Variants in IGLL5 observed in about 807,000 individuals in gnomAD.
IGLL5 encodes the protein immunoglobulin lambda like polypeptide 5.
A neutral mutation model predicts 20.9 loss-of-function variants in IGLL5; 30 were observed. That is an observed-to-expected ratio of 1.44 (90% CI 1.07 to 1.95). IGLL5 has a LOEUF of 1.95. Among genes scored for constraint, IGLL5 ranks in the 30% most tolerant of loss-of-function variants. The pLI is 0.00. For synonymous variants in IGLL5, 203 were observed against 117.3 expected (o/e 1.73, Z -4.72); for missense variants, 475 against 270.7 (o/e 1.75, Z -5.30).
At chr22:22,888,592 G>C (rs1387255984) in intron 1 of IGLL5, among the ~76,000 whole-genome samples, 2 of 151,316 alleles carry the variant, frequency 1.3e-5, no homozygotes, top group Admixed American at 6.6e-5. Flanking sequence ...ACAGGGGGTG[G>C]TGGCCACTGT....
chr22:22,894,771 C>A, intron 2 of IGLL5, among the ~76,000 whole-genome samples: 1 of 151,274 alleles, frequency 6.6e-6, no homozygotes, highest in South Asian at 2.1e-4. Flanking sequence ...AGACAGGAAA[C>A]ATCTCAGAGC....
At position 22,888,269 on chromosome 22, in the gene IGLL5, A is replaced by C. The variant is rs532718129; in HGVS notation, c.206+10A>C. The stretch of plus-strand genomic sequence containing the variant: ...GGAGCCTGTGGGGCAGGTAAGGGGC[A>C]AGAGATTCCAGGGGATGTGGGGGTC... On this transcript the variant is annotated intron_variant, in intron 1 of 2. Coordinates refer to ENST00000526893, the MANE Select transcript of IGLL5 (RefSeq NM_001178126.2). 1.9e-6 allele frequency: 3 copies of C among 1,546,624 alleles called. No individual in the cohort carries two copies. The highest frequency in any genetic ancestry group is 2.0e-5 in the Admixed American group (1 of 50,718).
intron 1 of IGLL5, among the ~76,000 whole-genome samples, chr22:22,888,552 G>T (rs188441179): frequency 2.6e-5 from 4 of 151,372 alleles, no homozygotes; most frequent in East Asian, 4.1e-4. Flanking sequence ...CTCTGGGTAG[G>T]GAAGGAACAG....
chr22:22,892,348 C>T (rs5996412), intron 1 of IGLL5, among the ~76,000 whole-genome samples: 3,361 of 151,226 alleles, frequency 0.022, 135 homozygotes, highest in African/African-American at 0.073. Context: ...CAATGGGTAT[C>T]TTCCAATGTG....
chr22:22,894,160 C>A (rs550825444), intron 2 of IGLL5, among the ~76,000 whole-genome samples: 1 of 151,514 alleles, frequency 6.6e-6, no homozygotes, highest in African/African-American at 2.4e-5. Flanking sequence ...CCAGTGACTC[C>A]TGGGGTCAAG....
In IGLL5 at chr22:22,895,503, G is replaced by T; in HGVS notation, c.454G>T (p.Ala152Ser). 6.2e-7 allele frequency: 1 copy of T among 1,612,706 alleles called. No individual in the cohort carries two copies. Among genetic ancestry groups the T allele is most frequent in the Non-Finnish European group, 8.5e-7 (1 of 1,179,608 alleles). The change falls in exon 3 of 3, where the codon GCA becomes TCA. Residue 152 changes from alanine to serine, a missense_variant. Coordinates refer to ENST00000526893, the MANE Select transcript of IGLL5 (RefSeq NM_001178126.2). ...YPGAVTVAWK[A>S]DGSPVKAGVE... ...GGGAGCTGTGACAGTGGCCTGGAAG[G>T]CAGATGGCAGCCCCGTCAAGGCGGG... is the stretch of plus-strand genomic sequence containing the variant.
intron 2 of IGLL5, 70 bp from the exon 3 acceptor site, chr22:22,895,305 C>A: frequency 7.0e-7 from 1 of 1,422,200 alleles, no homozygotes; most frequent in Non-Finnish European, 9.8e-7. Context: ...AGACTTTAGA[C>A]AGAGAGAGGG....
chr22:22,894,291 A>T (rs1601625342), intron 2 of IGLL5, among the ~76,000 whole-genome samples: 4 of 151,280 alleles, frequency 2.6e-5, no homozygotes, highest in East Asian at 4.1e-4. Flanking sequence ...GGAGGGCCAC[A>T]CGGCCTGGTG....
chr22:22,893,624 G>T, intron 1 of IGLL5, 76 bp from the exon 2 acceptor site: 1 of 850,454 alleles, frequency 1.2e-6, no homozygotes, highest in South Asian at 1.6e-5. Context: ...CACCTCTAGG[G>T]GGCTGGCCAC....
chr22:22,888,697 A>G (rs549492276), intron 1 of IGLL5, among the ~76,000 whole-genome samples: 5 of 151,300 alleles, frequency 3.3e-5, no homozygotes, highest in East Asian at 2.0e-4. Flanking sequence ...TGGAGAAGGC[A>G]GCAAGGGCTT....
chr22:22,894,247 G>C (rs1601624959), intron 2 of IGLL5, among the ~76,000 whole-genome samples: 2 of 150,022 alleles, frequency 1.3e-5, no homozygotes, highest in East Asian at 4.2e-4. Context: ...ACAGCTGAGG[G>C]TCTAGGCTGA....
chr22:22,894,683 G>T (rs146537377), intron 2 of IGLL5, among the ~76,000 whole-genome samples: 12 of 151,278 alleles, frequency 7.9e-5, no homozygotes, highest in Admixed American at 3.3e-4. Context: ...GGTGGGCCTG[G>T]GGGCTGCTGA....
chr22:22,893,927 TGACC>T, intron 2 of IGLL5, 109 bp downstream of exon 2: 1 of 813,600 alleles, frequency 1.2e-6, no homozygotes, highest in Non-Finnish European at 2.1e-6. Flanking sequence ...CCTTAAGCAC[TGACC>T]CTTACCTTTC....
At chr22:22,889,323 C>T (rs3171722) in intron 1 of IGLL5, among the ~76,000 whole-genome samples, 37,216 of 150,640 alleles carry the variant, frequency 0.25, 5,622 homozygotes, top group East Asian at 0.78. Flanking sequence ...GGAGCAGACA[C>T]GCTCGGGGAC....
chr22:22,894,571 A>G (rs2066669198), intron 2 of IGLL5, among the ~76,000 whole-genome samples: 4 of 151,372 alleles, frequency 2.6e-5, no homozygotes, highest in South Asian at 2.1e-4. Flanking sequence ...GCCTTCCTCA[A>G]AGGGCATGTT....
At chr22:22,890,165 C>CA (rs112765694) in intron 1 of IGLL5, among the ~76,000 whole-genome samples, 2,254 of 106,390 alleles carry the variant, frequency 0.021, 60 homozygotes, top group African/African-American at 0.065. Flanking sequence ...TTTTTCTTGC[C>CA]AAAAAAAAAA....
rs2067552337 is a variant in IGLL5 at position 22,887,885 on chromosome 22, T to C, written c.-169T>C. ...CCCCAGGGGTGACAGCCATGGACCC[T>C]GGAAGGGCCTGGGCTAGGGACAGGG... On this transcript the variant is annotated 5_prime_UTR_variant, in exon 1 of 3. Transcript: ENST00000526893. The C allele has an allele frequency of 3.0e-6, 2 of 665,736 alleles. No individual in the cohort carries two copies. Among genetic ancestry groups the C allele is most frequent in the South Asian group, 1.8e-5 (1 of 57,004 alleles). The allele number at this position is 665,736 out of a possible 1,614,324, so 41.2% of individuals were successfully genotyped here.
intron 1 of IGLL5, 151 bp from the exon 2 acceptor site, chr22:22,893,549 C>A: frequency 1.7e-6 from 1 of 601,520 alleles, no homozygotes; most frequent in African/African-American, 1.9e-5. Context: ...AGAGGAAAGA[C>A]ACACACTGGG....
intron 1 of IGLL5, among the ~76,000 whole-genome samples, chr22:22,889,654 C>T (rs1330151246): frequency 6.6e-6 from 1 of 151,254 alleles, no homozygotes; most frequent in African/African-American, 2.4e-5. Context: ...GTGGCGTGGC[C>T]ACAGCTCACT....
Sources: gnomAD v4.1 joint callset for allele counts (sites outside exome capture counted in the v4.1 genomes callset) on GRCh38, gnomAD v4.1.1 for gene constraint, MANE v1.5 for transcripts, NCBI Gene and HGNC (gene_info 2026-07-23, HGNC 2026-07-21) for gene names.